GRIK4: variants seen among roughly 807,000 people sequenced by gnomAD.
GRIK4 encodes glutamate ionotropic receptor kainate type subunit 4.
Under a neutral mutation model 104.9 loss-of-function variants are expected in GRIK4, and 40 were observed. That is an observed-to-expected ratio of 0.38 (90% CI 0.30 to 0.50). The LOEUF (loss-of-function observed/expected upper bound fraction) is 0.50, where lower values mean the gene tolerates loss of function less well. Among genes scored for constraint, GRIK4 ranks in the 20% least tolerant of loss-of-function variants. The probability of loss-of-function intolerance (pLI) is 0.93; values close to 1 mark genes in which losing one functional copy is unlikely to be tolerated. For synonymous variants in GRIK4, 485 were observed against 524.9 expected (o/e 0.92, Z 1.04); for missense variants, 1,047 against 1,308.1 (o/e 0.80, Z 3.08).
At chr11:120,984,914 C>T (rs1304710089) in intron 20 of GRIK4, among the ~76,000 whole-genome samples, 6 of 150,838 alleles carry the variant, frequency 4.0e-5, no homozygotes, top group East Asian at 3.9e-4. Context: ...CTGCAACCTC[C>T]GCCTCCCAGG....
At chr11:120,908,613 G>A (rs1592068038) in intron 13 of GRIK4, among the ~76,000 whole-genome samples, 1 of 152,200 alleles carries the variant, frequency 6.6e-6, no homozygotes. Flanking sequence ...GTGGCAGGCA[G>A]GCGGGGAGAG....
chr11:120,559,860 T>C (rs765504147), intron 1 of GRIK4, among the ~76,000 whole-genome samples: 2 of 152,186 alleles, frequency 1.3e-5, no homozygotes, highest in African/African-American at 2.4e-5. Flanking sequence ...GTATCTGCAT[T>C]ACACCAGCAG....
At chr11:120,685,747 T>C (rs1950265392) in intron 3 of GRIK4, among the ~76,000 whole-genome samples, 1 of 152,160 alleles carries the variant, frequency 6.6e-6, no homozygotes, top group Non-Finnish European at 1.5e-5. Flanking sequence ...TTTTTGAAGC[T>C]CTCTCTTGAT....
At chr11:120,548,057 T>C (rs1948103689) in intron 1 of GRIK4, among the ~76,000 whole-genome samples, 1 of 152,168 alleles carries the variant, frequency 6.6e-6, no homozygotes, top group Admixed American at 6.5e-5. Context: ...ATGGGCAGCC[T>C]GCCTGAAGCC....
At chr11:120,588,512 C>G (rs997446580) in intron 1 of GRIK4, among the ~76,000 whole-genome samples, 3 of 152,094 alleles carry the variant, frequency 2.0e-5, no homozygotes. Context: ...CAGGGACTTA[C>G]TGCGATCCAG....
At chr11:120,655,113 A>G (rs1949685276) in intron 2 of GRIK4, among the ~76,000 whole-genome samples, 1 of 151,992 alleles carries the variant, frequency 6.6e-6, no homozygotes, top group Non-Finnish European at 1.5e-5. Flanking sequence ...TGTGCCAGAT[A>G]GGGTGCTGGG....
At chr11:120,516,826 G>T (rs1415373443) in intron 1 of GRIK4, among the ~76,000 whole-genome samples, 2 of 152,128 alleles carry the variant, frequency 1.3e-5, no homozygotes, top group African/African-American at 4.8e-5. Context: ...GCCGGAGGGG[G>T]AAGCAGGTCT....
At chr11:120,916,772 C>T (rs1943112852) in intron 13 of GRIK4, among the ~76,000 whole-genome samples, 1 of 152,162 alleles carries the variant, frequency 6.6e-6, no homozygotes, top group African/African-American at 2.4e-5. Flanking sequence ...AAATGAACTT[C>T]GTGTTTAGAC....
At chr11:120,576,467 T>C (rs1023342544) in intron 1 of GRIK4, 1 of 152,156 alleles carries the variant, frequency 6.6e-6, no homozygotes, top group African/African-American at 2.4e-5. Flanking sequence ...TCTTGACTGG[T>C]GGGACCTTTT....
intron 6 of GRIK4, among the ~76,000 whole-genome samples, chr11:120,828,998 C>T (rs1591965294): frequency 6.6e-6 from 1 of 152,344 alleles, no homozygotes; most frequent in East Asian, 1.9e-4. Flanking sequence ...ACCCTGCTGT[C>T]ATCCCCCAGC....
intron 9 of GRIK4, 172 bp from the exon 10 acceptor site, chr11:120,873,894 T>C: frequency 1.7e-6 from 1 of 587,792 alleles, no homozygotes; most frequent in Non-Finnish European, 3.0e-6. Flanking sequence ...TTAGATGAAG[T>C]AGAGCTGGCC....
At chr11:120,961,865 G>A (rs1039570998) in intron 17 of GRIK4, among the ~76,000 whole-genome samples, 6 of 152,188 alleles carry the variant, frequency 3.9e-5, no homozygotes, top group African/African-American at 7.2e-5. Flanking sequence ...GCAAGTCTCC[G>A]TGCCTACTGG....
In GRIK4 at chr11:120,635,795, T is replaced by G. The variant is rs137996441; in HGVS notation, c.-158-17890T>G. 1.8e-3 allele frequency among the ~76,000 whole-genome samples: 272 copies of G among 152,300 alleles called. 4 individuals carry two copies. In the East Asian group the frequency reaches 0.037, roughly 21 times the overall value. ...TTAAAAATTATTTTAGTAAACATTT[T>G]CACAAAATTATATCAATCATCCCCA... On this transcript the variant is annotated intron_variant, in intron 1 of 20. Coordinates refer to ENST00000527524, the MANE Select transcript of GRIK4 (RefSeq NM_014619.5).
chr11:120,605,597 A>G (rs756618720), intron 1 of GRIK4, among the ~76,000 whole-genome samples: 6 of 152,088 alleles, frequency 3.9e-5, no homozygotes, highest in Non-Finnish European at 8.8e-5. Flanking sequence ...CAAATTCTAC[A>G]TGGGTTGTGG....
At chr11:120,582,200 A>G (rs752829971) in intron 1 of GRIK4, among the ~76,000 whole-genome samples, 11 of 151,310 alleles carry the variant, frequency 7.3e-5, no homozygotes, top group Non-Finnish European at 1.5e-4. Context: ...CTATAGGGCC[A>G]TTCAGATACC....
At chr11:120,695,826 G>A (rs7126415) in intron 3 of GRIK4, among the ~76,000 whole-genome samples, 1 of 152,062 alleles carries the variant, frequency 6.6e-6, no homozygotes, top group Non-Finnish European at 1.5e-5. Flanking sequence ...GATAACTGAG[G>A]GCAGCCAAGG....
At chr11:120,749,643 A>G (rs1417432796) in intron 3 of GRIK4, among the ~76,000 whole-genome samples, 2 of 152,182 alleles carry the variant, frequency 1.3e-5, no homozygotes, top group Non-Finnish European at 2.9e-5. Flanking sequence ...CACAATGAGC[A>G]CAGCCTCTGA....
chr11:120,892,187 C>T (rs938195573), intron 11 of GRIK4, among the ~76,000 whole-genome samples: 1 of 151,482 alleles, frequency 6.6e-6, no homozygotes, highest in Non-Finnish European at 1.5e-5. Flanking sequence ...CACTTGAACG[C>T]GGGAGGAAGG....
chr11:120,535,918 G>C (rs770629889), intron 1 of GRIK4, among the ~76,000 whole-genome samples: 1 of 152,220 alleles, frequency 6.6e-6, no homozygotes, highest in Non-Finnish European at 1.5e-5. Flanking sequence ...ACACGTGCAT[G>C]AATACAGTCC....
Sources: gnomAD v4.1 joint callset for allele counts (sites outside exome capture counted in the v4.1 genomes callset) on GRCh38, gnomAD v4.1.1 for gene constraint, MANE v1.5 for transcripts, NCBI Gene and HGNC (gene_info 2026-07-23, HGNC 2026-07-21) for gene names.